Variants in DDR1 observed in about 807,000 individuals in gnomAD.
DDR1 encodes discoidin domain receptor tyrosine kinase 1.
In DDR1, 64 loss-of-function variants were observed where a neutral mutation model predicts 97.4. The observed-to-expected ratio is 0.66, with a 90% CI of 0.54 to 0.81. DDR1 has a LOEUF of 0.81. Among genes scored for constraint, DDR1 ranks in the 30% least tolerant of loss-of-function variants. The pLI, the probability that DDR1 is intolerant of heterozygous loss-of-function variation, is 0.00. For synonymous variants in DDR1, 458 were observed against 503.7 expected, an observed-to-expected ratio of 0.91 and a Z score of 1.21; for missense variants, 990 against 1,259.6, an observed-to-expected ratio of 0.79 and a Z score of 3.24.
In DDR1 at chr6:30,896,663, C is replaced by T. The variant is rs147476733; in HGVS notation, c.1667C>T (p.Pro556Leu). The change falls in exon 13 of 18, where the codon CCG becomes CTG. Residue 556 changes from proline (P) to leucine (L), a missense_variant. By Grantham distance (98) the Pro-to-Leu change is moderately conservative. Coordinates refer to ENST00000376568, the MANE Select transcript of DDR1 (RefSeq NM_001297654.2). ...DYMEPEKPGA[P>L]LLPPPPQNSV... ...ATGGAGCCTGAGAAGCCAGGCGCCC[C>T]GCTTCTGCCCCCACCTCCCCAGAAC... 2.6e-4 allele frequency: 418 copies of T among 1,613,442 alleles called. 1 individual carries two copies. Among genetic ancestry groups the T allele is most frequent in the Middle Eastern group, 2.0e-3 (12 of 6,048 alleles).
In DDR1 at chr6:30,891,422, A is replaced by G. The variant is rs143357711; in HGVS notation, c.608A>G (p.Tyr203Cys). Residue 203 changes from tyrosine to cysteine, a missense_variant, in exon 6 of 18, where the codon TAT becomes TGT. Tyr to Cys is a radical substitution (Grantham distance 194). Coordinates refer to ENST00000376568, the MANE Select transcript of DDR1 (RefSeq NM_001297654.2). The surrounding 1 kb of genome is among the most constrained non-coding windows in gnomAD (Gnocchi z 5.3). ...SYTAPVGQTM[Y>C]LSEAVYLNDS... is the part of the protein sequence containing the mutation. ...ACCGCCCCTGTGGGGCAGACAATGT[A>G]TTTATCTGAGGCCGTGTACCTCAAC... 2.9e-5 allele frequency: 47 copies of G among 1,608,872 alleles called. No homozygotes were observed. The Middle Eastern group carries it at 5.0e-4, about 17-fold the overall frequency.
chr6:30,899,753 CAAG>C lies in DDR1; in HGVS notation c.*461_*463del. 1 of 348,426 alleles carries C rather than the reference CAAG, an allele frequency of 2.9e-6. No individual in the cohort carries two copies. 21.6% of individuals were successfully genotyped at this position (348,426 alleles called of 1,614,324 possible). On this transcript the variant is annotated 3_prime_UTR_variant, in exon 18 of 18. Transcript: ENST00000376568. ...GCTGAGAATCTGGGGGTGAGGAGGA[CAAG>C]AAGGAGAGGAAAATGTTTCCTTGTG...
chr6:30,899,739 G>C lies in DDR1; in HGVS notation c.*443G>C. ...ACTGGACCCCACTGGCTGAGAATCT[G>C]GGGGTGAGGAGGACAAGAAGGAGAG... On this transcript the variant is annotated 3_prime_UTR_variant, in exon 18 of 18. Coordinates refer to ENST00000376568, the MANE Select transcript of DDR1 (RefSeq NM_001297654.2). The C allele has an allele frequency of 2.8e-6, 1 of 350,878 alleles. No individual in the cohort carries two copies. 21.7% of individuals were successfully genotyped at this position (350,878 alleles called of 1,614,324 possible).
At chr6:30,898,397 C>CT in intron 16 of DDR1, 90 bp downstream of exon 16, 1 of 946,562 alleles carries the variant, frequency 1.1e-6, no homozygotes, top group Admixed American at 2.3e-5. Flanking sequence ...CAGTCACACA[C>CT]TTTCTCTGGG....
At chr6:30,884,119 C>T (rs1784834631), upstream of DDR1, 1 of 152,490 alleles carries the variant, frequency 6.6e-6, no homozygotes, top group Non-Finnish European at 1.5e-5. The surrounding 1 kb of genome is among the most constrained non-coding windows in gnomAD (Gnocchi z 6.1). Flanking sequence ...GGACTGCAGC[C>T]AGCCCCCTGG....
At chr6:30,898,404 T>G in intron 16 of DDR1, 97 bp downstream of exon 16, 6 of 891,886 alleles carry the variant, frequency 6.7e-6, no homozygotes, top group East Asian at 5.3e-5. Context: ...ACACTTTCTC[T>G]GGGTTGCATT....
At position 30,893,048 on chromosome 6, in the gene DDR1, T is replaced by G; in HGVS notation, c.1100-20T>G. 1 of 1,603,424 alleles carries G rather than the reference T, an allele frequency of 6.2e-7. No homozygotes were observed. Among genetic ancestry groups the G allele is most frequent in the Non-Finnish European group, 8.5e-7 (1 of 1,173,332 alleles). On this transcript the variant is annotated intron_variant, in intron 8 of 17. Transcript: ENST00000376568. ...CCTCCTCATTTACCTCCCTCCTTTCTTTTTGTTCCTTCTCCCCAGATGTGG... is the reference window on the plus strand; with the variant it reads ...CCTCCTCATTTACCTCCCTCCTTTCGTTTTGTTCCTTCTCCCCAGATGTGG...
At position 30,889,110 on chromosome 6, in the gene DDR1, C is replaced by T. The variant is rs909969665; in HGVS notation, c.189-92C>T. On this transcript the variant is annotated intron_variant, in intron 3 of 17. Coordinates refer to ENST00000376568, the MANE Select transcript of DDR1 (RefSeq NM_001297654.2). This position sits in a 1 kb window ranked among gnomAD's most constrained non-coding sequence, Gnocchi z 4.9. ...TCTGCCCATGCCAGTGAAACCCCTG[C>T]AGGCTGAGGGGGCAAATGAAGTGGG... 5.7e-6 allele frequency: 9 copies of T among 1,571,992 alleles called. No individual in the cohort carries two copies. The Admixed American group carries it at 8.4e-5, about 15-fold the overall frequency.
rs148121399 is a variant in DDR1 at position 30,888,866 on chromosome 6, A to T, written c.86-42A>T. On this transcript the variant is annotated intron_variant, in intron 2 of 17. Transcript: ENST00000376568. This position sits in a 1 kb window ranked among gnomAD's most constrained non-coding sequence, Gnocchi z 4.2. ...GAGGGCCAGGGCTTGGGAGGTAGAGAGTTGGGGGCCTTGACCTGTTACATG... is the reference window on the plus strand; with the variant it reads ...GAGGGCCAGGGCTTGGGAGGTAGAGTGTTGGGGGCCTTGACCTGTTACATG... 2.3e-4 allele frequency: 372 copies of T among 1,612,780 alleles called. 1 individual carries two copies. Among genetic ancestry groups the T allele is most frequent in the Non-Finnish European group, 3.0e-4 (353 of 1,179,924 alleles).
Position 30,888,578 on chromosome 6 carries a change from T to G in DDR1, c.-42-110T>G. 1 of 1,184,714 alleles carries G rather than the reference T, an allele frequency of 8.4e-7. No individual in the cohort carries two copies. The highest frequency in any genetic ancestry group is 1.2e-6 in the Non-Finnish European group (1 of 853,452). The allele number at this position is 1,184,714 out of a possible 1,614,324, so 73.4% of individuals were successfully genotyped here. A position where few individuals can be genotyped will look rare whatever the true frequency, so the allele number is the denominator to read the frequency against. On this transcript the variant is annotated intron_variant, in intron 1 of 17. Transcript: ENST00000376568. This position sits in a 1 kb window ranked among gnomAD's most constrained non-coding sequence, Gnocchi z 4.2. ...GCTGATGCTGTTAAACAATGACTGT[T>G]GTTGTTGTTTTACTGTTATTATCCC...
intron 8 of DDR1, 151 bp from the exon 9 acceptor site, chr6:30,892,917 G>A (rs1307447353): frequency 7.1e-6 from 5 of 700,594 alleles, no homozygotes; most frequent in Non-Finnish European, 1.2e-5. Context: ...GGGTGTTCCA[G>A]GACCCTGCTC....
At position 30,888,618 on chromosome 6, in the gene DDR1, C is replaced by G; in HGVS notation, c.-42-70C>G. 6.6e-7 allele frequency: 1 copy of G among 1,516,678 alleles called. No homozygotes were observed. Among genetic ancestry groups the G allele is most frequent in the Non-Finnish European group, 8.9e-7 (1 of 1,126,254 alleles). The allele number at this position is 1,516,678 out of a possible 1,614,324, so 94.0% of individuals were successfully genotyped here. On this transcript the variant is annotated intron_variant, in intron 1 of 17. Transcript: ENST00000376568. The surrounding 1 kb of genome is among the most constrained non-coding windows in gnomAD (Gnocchi z 4.2). Reference sequence around the variant, plus strand: ...GTTATTATCCCCAAAGCGGCCCATTCTGTCTGTTGCTGTCAGCTATGACTC... The same window carrying G: ...GTTATTATCCCCAAAGCGGCCCATTGTGTCTGTTGCTGTCAGCTATGACTC...
chr6:30,885,111 C>G, intron 1 of DDR1: 3 of 1,296,680 alleles, frequency 2.3e-6, no homozygotes, highest in Admixed American at 4.1e-5. Context: ...CAGCCAACAC[C>G]CAGTTGGTCA....
At position 30,892,489 on chromosome 6, in the gene DDR1, G is replaced by A. The variant is rs370116223; in HGVS notation, c.1046G>A (p.Arg349His). The A allele has an allele frequency of 3.5e-5, 56 of 1,610,044 alleles. No homozygotes were observed. Among genetic ancestry groups the A allele is most frequent in the East Asian group, 4.5e-5 (2 of 44,844 alleles). Residue 349 changes from arginine (R) to histidine (H), a missense_variant, in exon 8 of 18, where the codon CGC becomes CAC. Physicochemically the swap from Arg to His is conservative, Grantham distance 29. Transcript: ENST00000376568. Reference protein sequence around the residue: ...GGRVARFLQCRFLFAGPWLLF... With the variant: ...GGRVARFLQCHFLFAGPWLLF... The stretch of plus-strand genomic sequence containing the variant: ...CGTGTGGCTCGCTTTCTGCAGTGCC[G>A]CTTCCTCTTTGCGGGGCCCTGGTTA...
rs1162663804 is a variant in DDR1, at chr6:30,897,305, AG to A, written c.1998-68del. ...ACGCCTGGTCTGCCTGAGGTGGGGC[AG>A]GGGGGTGGGGGCGCGGGGGAAGGTG... On this transcript the variant is annotated intron_variant, in intron 14 of 17. Transcript: ENST00000376568. The surrounding 1 kb of genome is among the most constrained non-coding windows in gnomAD (Gnocchi z 5.2). 2.1e-5 allele frequency: 11 copies of A among 526,460 alleles called. No individual in the cohort carries two copies. The African/African-American group carries it at 4.0e-4, about 19-fold the overall frequency. 32.6% of individuals were successfully genotyped at this position (526,460 alleles called of 1,614,324 possible).
rs1285030187 is a variant in DDR1 at position 30,897,480 on chromosome 6, T to C, written c.2099T>C (p.Ile700Thr). The change falls in exon 15 of 18, where the codon ATT becomes ACT. Residue 700 changes from isoleucine to threonine, a missense_variant. Transcript: ENST00000376568. The surrounding 1 kb of genome is among the most constrained non-coding windows in gnomAD (Gnocchi z 5.2). ...GTGCAGGACGACCCCCTCTGCATGA[T>C]TACTGACTACATGGAGAACGGCGAC... ...VCVQDDPLCM[I>T]TDYMENGDLN... is the part of the protein sequence containing the mutation. The C allele has an allele frequency of 1.2e-6, 2 of 1,613,982 alleles. No homozygotes were observed. Among genetic ancestry groups the C allele is most frequent in the Non-Finnish European group, 1.7e-6 (2 of 1,179,950 alleles).
In DDR1 at chr6:30,888,605, A is replaced by T; in HGVS notation, c.-42-83A>T. The stretch of plus-strand genomic sequence containing the variant: ...TTGTTGTTTTACTGTTATTATCCCC[A>T]AAGCGGCCCATTCTGTCTGTTGCTG... On this transcript the variant is annotated intron_variant, in intron 1 of 17. Coordinates refer to ENST00000376568, the MANE Select transcript of DDR1 (RefSeq NM_001297654.2). The surrounding 1 kb of genome is among the most constrained non-coding windows in gnomAD (Gnocchi z 4.2). The T allele has an allele frequency of 6.9e-7, 1 of 1,450,128 alleles. No homozygotes were observed. Among genetic ancestry groups the T allele is most frequent in the Non-Finnish European group, 9.3e-7 (1 of 1,077,596 alleles). The allele number at this position is 1,450,128 out of a possible 1,614,324, so 89.8% of individuals were successfully genotyped here.
intron 12 of DDR1, among the ~76,000 whole-genome samples, chr6:30,895,842 C>T (rs1790566259): frequency 6.6e-6 from 1 of 152,160 alleles, no homozygotes; most frequent in Non-Finnish European, 1.5e-5. Flanking sequence ...CTTTATTCTC[C>T]ACTCTCTCTA....
rs2150461006 is a variant in DDR1, at chr6:30,898,290, T to C, written c.2434T>C (p.Trp812Arg). The part of the protein sequence containing the change: ...RAVLPIRWMA[W>R]ECILMGKFTT... ...AGTGCTGCCCATCCGCTGGATGGCC[T>C]GGGAGTGCATCCTCATGGTGAGCAG... Residue 812 changes from tryptophan (W) to arginine (R), a missense_variant, in exon 16 of 18, where the codon TGG (tryptophan) becomes CGG (arginine). Coordinates refer to ENST00000376568, the MANE Select transcript of DDR1 (RefSeq NM_001297654.2). 6.2e-7 allele frequency: 1 copy of C among 1,613,438 alleles called. No individual in the cohort carries two copies. The highest frequency in any genetic ancestry group is 8.5e-7 in the Non-Finnish European group (1 of 1,179,478).
Sources: gnomAD v4.1 joint callset for allele counts (sites outside exome capture counted in the v4.1 genomes callset) on GRCh38, gnomAD v4.1.1 for gene constraint, Gnocchi (gnomAD v3.1) non-coding constraint, MANE v1.5 for transcripts, NCBI Gene and HGNC (gene_info 2026-07-23, HGNC 2026-07-21) for gene names.